SNX29: variants seen among roughly 807,000 people sequenced by gnomAD.
The protein encoded by SNX29 is sorting nexin-29.
A neutral mutation model predicts 102.1 loss-of-function variants in SNX29; 78 were observed. The observed-to-expected ratio is 0.76, with a 90% confidence interval of 0.64 to 0.92. The LOEUF is 0.92. Among genes scored for constraint, SNX29 ranks in the 40% least tolerant of loss-of-function variants. The pLI, the probability that SNX29 is intolerant of heterozygous loss-of-function variation, is 0.00. For synonymous variants in SNX29, 580 were observed against 414.5 expected, an observed-to-expected ratio of 1.40 and a Z score of -4.85; for missense variants, 1,280 against 1,061.7, an observed-to-expected ratio of 1.21 and a Z score of -2.86.
chr16:12,526,745 C>T, intron 20 of SNX29: 3 of 451,380 alleles, frequency 6.6e-6, no homozygotes, highest in South Asian at 2.0e-5. Flanking sequence ...AGAGTGTGAG[C>T]AGGAGGCGCT....
intron 14 of SNX29, among the ~76,000 whole-genome samples, chr16:12,272,407 G>A (rs966126272): frequency 2.0e-5 from 3 of 152,208 alleles, no homozygotes; most frequent in African/African-American, 7.2e-5. Context: ...GTAGAGCAGG[G>A]CTGTGAGTTC....
At position 12,129,739 on chromosome 16, in the gene SNX29, A is replaced by T; in HGVS notation, c.1576A>T (p.Lys526Ter). The change falls in exon 13 of 21, where the codon AAG becomes TAG. Residue 526 changes from lysine (K) to a stop codon, truncating the protein, a stop_gained. Transcript: ENST00000566228. LOFTEE classifies it high-confidence loss of function. ...VAEQEERQGM[K>*]VQALARENEV... ...TGAACAGGAGGAGCGGCAGGGCATG[A>T]AGGTCCAGGCGCTGGCCAGGTAGGA... The T allele has an allele frequency of 6.2e-7, 1 of 1,609,136 alleles. No homozygotes were observed. The highest frequency in any genetic ancestry group is 8.5e-7 in the Non-Finnish European group (1 of 1,178,684).
chr16:12,017,757 T>C (rs2056892705), intron 3 of SNX29, among the ~76,000 whole-genome samples: 1 of 152,208 alleles, frequency 6.6e-6, no homozygotes, highest in Non-Finnish European at 1.5e-5. Context: ...CAGGAATTTA[T>C]CCTTATTTTT....
At chr16:12,524,898 T>A (rs1358369940) in intron 20 of SNX29, 57 bp downstream of exon 20, 3 of 1,593,136 alleles carry the variant, frequency 1.9e-6, no homozygotes, top group Admixed American at 1.7e-5. Flanking sequence ...TTTTTCTCGG[T>A]CGTTTTGGAA....
chr16:12,356,295 AC>A lies in SNX29; in HGVS notation c.1899+19del. 1 of 1,577,370 alleles carries A rather than the reference AC, an allele frequency of 6.3e-7. No homozygotes were observed. The highest frequency in any genetic ancestry group is 8.6e-7 in the Non-Finnish European group (1 of 1,162,024). ...CCGGGGACCGGTGAGTGTTTCCCCAACCCTGTGTGTCTGTCAAGCCTCTGCT... is the reference window on the plus strand; with the variant it reads ...CCGGGGACCGGTGAGTGTTTCCCCAACCTGTGTGTCTGTCAAGCCTCTGCT... On this transcript the variant is annotated intron_variant, in intron 16 of 20. Coordinates refer to ENST00000566228, the MANE Select transcript of SNX29 (RefSeq NM_032167.5).
At chr16:12,370,964 C>T (rs80088553) in intron 16 of SNX29, among the ~76,000 whole-genome samples, 28,054 of 152,208 alleles carry the variant, frequency 0.18, 3,188 homozygotes, top group Middle Eastern at 0.27. Context: ...GAGGGGTGGG[C>T]ACCACCTTGG....
intron 13 of SNX29, among the ~76,000 whole-genome samples, chr16:12,190,948 T>G (rs2076627021): frequency 6.6e-6 from 1 of 152,176 alleles, no homozygotes; most frequent in African/African-American, 2.4e-5. Flanking sequence ...CTGGGTTTAT[T>G]CCTTCAGACC....
intron 18 of SNX29, among the ~76,000 whole-genome samples, chr16:12,441,149 G>A (rs891613944): frequency 1.4e-5 from 2 of 141,868 alleles, no homozygotes; most frequent in African/African-American, 5.4e-5. Context: ...GTGCAGTGGC[G>A]CTATCTCGGC....
intron 18 of SNX29, among the ~76,000 whole-genome samples, chr16:12,406,700 G>C (rs2151525825): frequency 6.6e-6 from 1 of 152,280 alleles, no homozygotes; most frequent in East Asian, 1.9e-4. Context: ...TTGAGGTCAG[G>C]AGTTCAAGAC....
intron 11 of SNX29, among the ~76,000 whole-genome samples, chr16:12,108,731 C>T (rs1391795607): frequency 6.6e-6 from 1 of 152,128 alleles, no homozygotes; most frequent in Non-Finnish European, 1.5e-5. Context: ...AGGGTTTGAA[C>T]CCAGCCTGAG....
intron 13 of SNX29, among the ~76,000 whole-genome samples, chr16:12,179,386 G>A (rs1018823393): frequency 3.9e-5 from 6 of 152,216 alleles, no homozygotes; most frequent in Non-Finnish European, 7.3e-5. Context: ...TCGGGAGGCC[G>A]AGGCAAGAGG....
chr16:12,183,791 A>G (rs2076448049), intron 13 of SNX29, among the ~76,000 whole-genome samples: 3 of 152,234 alleles, frequency 2.0e-5, no homozygotes, highest in African/African-American at 7.2e-5. Context: ...CCTTGCTGAT[A>G]GAACAGTTTG....
At chr16:12,011,399 C>T (rs948644780) in intron 3 of SNX29, among the ~76,000 whole-genome samples, 7 of 151,502 alleles carry the variant, frequency 4.6e-5, no homozygotes, top group Admixed American at 3.9e-4. Context: ...CCTCAGCCTC[C>T]GAGTAGCTGG....
chr16:12,122,126 T>C (rs952662048), intron 11 of SNX29, among the ~76,000 whole-genome samples: 1 of 152,168 alleles, frequency 6.6e-6, no homozygotes, highest in African/African-American at 2.4e-5. Context: ...AGGATGGGTT[T>C]ATTAAACTGG....
At chr16:12,388,908 G>A (rs1273455787) in intron 16 of SNX29, among the ~76,000 whole-genome samples, 1 of 152,220 alleles carries the variant, frequency 6.6e-6, no homozygotes, top group Non-Finnish European at 1.5e-5. Flanking sequence ...GCCTTTGGTT[G>A]TTCTTACAGG....
intron 3 of SNX29, among the ~76,000 whole-genome samples, chr16:12,006,516 G>GAAA (rs758929005): frequency 3.7e-5 from 2 of 54,340 alleles, no homozygotes; most frequent in East Asian, 5.2e-4. Context: ...TACTGTCTCA[G>GAAA]AAAAAAAAAA....
intron 16 of SNX29, among the ~76,000 whole-genome samples, chr16:12,381,826 C>A (rs1404378080): frequency 7.0e-6 from 1 of 143,668 alleles, no homozygotes; most frequent in Non-Finnish European, 1.5e-5. Flanking sequence ...ACCCACCCAT[C>A]ATCCATCCAC....
chr16:12,121,043 G>A (rs2053950390), intron 11 of SNX29, among the ~76,000 whole-genome samples: 1 of 152,184 alleles, frequency 6.6e-6, no homozygotes, highest in Non-Finnish European at 1.5e-5. Flanking sequence ...TTTAGCAGTG[G>A]GCGACTGTCA....
chr16:12,072,923 C>G (rs2051368363), intron 10 of SNX29, among the ~76,000 whole-genome samples: 1 of 152,142 alleles, frequency 6.6e-6, no homozygotes, highest in African/African-American at 2.4e-5. Context: ...AGGAATTTAT[C>G]CATTTCTTCT....
Sources: allele counts gnomAD v4.1 joint callset (sites outside exome capture counted in the v4.1 genomes callset), GRCh38; gene constraint gnomAD v4.1.1; transcripts MANE v1.5; gene names NCBI Gene and HGNC (gene_info 2026-07-23, HGNC 2026-07-21).